KANSL1L: variants seen among roughly 807,000 people sequenced by gnomAD.
The protein encoded by KANSL1L is KAT8 regulatory NSL complex subunit 1 like.
In KANSL1L, 25 loss-of-function variants were observed where a neutral mutation model predicts 108.6. That is an observed-to-expected ratio of 0.23 (90% CI 0.17 to 0.32). The LOEUF (loss-of-function observed/expected upper bound fraction) is 0.32. Ranked by LOEUF, KANSL1L falls within the 10% of genes least tolerant of loss-of-function variation. The pLI is 1.00. For missense variants in KANSL1L, 1,137 were observed against 1,125.7 expected (o/e 1.01, Z -0.14); for synonymous variants, 405 against 395.1 (o/e 1.03, Z -0.30).
At chr2:210,099,043 G>A (rs2094767293) in intron 4 of KANSL1L, among the ~76,000 whole-genome samples, 1 of 151,840 alleles carries the variant, frequency 6.6e-6, no homozygotes, top group Non-Finnish European at 1.5e-5. Flanking sequence ...GGAAAATATA[G>A]AGACATTTTA....
At chr2:210,076,339 G>A (rs140099396) in intron 5 of KANSL1L, among the ~76,000 whole-genome samples, 29 of 152,066 alleles carry the variant, frequency 1.9e-4, no homozygotes, top group South Asian at 1.5e-3. Context: ...CTGCCATCAT[G>A]CCTGCTACCT....
At chr2:210,125,254 CAAAAGAAAAG>C (rs941946748) in intron 3 of KANSL1L, among the ~76,000 whole-genome samples, 1 of 151,514 alleles carries the variant, frequency 6.6e-6, no homozygotes, top group African/African-American at 2.4e-5. Flanking sequence ...AACTCCAACT[CAAAAGAAAAG>C]AAAAGAAAAG....
At chr2:210,146,671 C>T (rs1270655035) in intron 2 of KANSL1L, among the ~76,000 whole-genome samples, 1 of 152,176 alleles carries the variant, frequency 6.6e-6, no homozygotes, top group Non-Finnish European at 1.5e-5. Context: ...GGATGAGTTT[C>T]TCCACCTGAT....
chr2:210,126,472 G>A (rs1358634393), intron 3 of KANSL1L, among the ~76,000 whole-genome samples: 1 of 151,744 alleles, frequency 6.6e-6, no homozygotes, highest in African/African-American at 2.4e-5. Flanking sequence ...TATCCTAAAG[G>A]TCATACAAAA....
chr2:210,042,294 T>C (rs187201962), intron 7 of KANSL1L, among the ~76,000 whole-genome samples: 26 of 152,328 alleles, frequency 1.7e-4, no homozygotes, highest in African/African-American at 6.3e-4. Flanking sequence ...CTAGCATTTA[T>C]TTAGTACTTA....
rs751018617 is a variant in KANSL1L at position 210,022,109 on chromosome 2, A to G, written c.*840T>C. The G allele has an allele frequency of 6.6e-5, 10 of 151,760 alleles. No individual in the cohort carries two copies. The highest frequency in any genetic ancestry group is 1.5e-4 in the Non-Finnish European group (10 of 67,900). 9.4% of individuals were successfully genotyped at this position (151,760 alleles called of 1,614,324 possible). ...AGACACATTAATTGGTAAAACTCAA[A>G]TTGAGTTTTCAAAGATGTGATAGTA... On this transcript the variant is annotated 3_prime_UTR_variant, in exon 15 of 15. Transcript: ENST00000281772.
intron 5 of KANSL1L, among the ~76,000 whole-genome samples, chr2:210,083,122 T>C (rs1023415900): frequency 1.3e-5 from 2 of 152,166 alleles, no homozygotes. Flanking sequence ...GATGTGTGTA[T>C]GTCTTACAAG....
Position 210,153,776 on chromosome 2 carries a change from G to C in KANSL1L, c.807C>G (p.Leu269=). ...QQMKLSMKHQ[L]PKMKTFHEPT... ...GTTCATGAAATGTCTTCATTTTGGGGAGTTGATGTTTCATAGACAATTTCA... is the reference window on the plus strand; with the variant it reads ...GTTCATGAAATGTCTTCATTTTGGGCAGTTGATGTTTCATAGACAATTTCA... Residue 269 remains leucine (L), a synonymous_variant, in exon 2 of 15, where the codon CTC becomes CTG. Coordinates refer to ENST00000281772, the MANE Select transcript of KANSL1L (RefSeq NM_152519.4). The C allele has an allele frequency of 1.2e-6, 2 of 1,612,488 alleles. No individual in the cohort carries two copies. Among genetic ancestry groups the C allele is most frequent in the South Asian group, 2.2e-5 (2 of 90,670 alleles).
intron 2 of KANSL1L, chr2:210,152,685 C>A (rs2095311081): frequency 6.6e-6 from 1 of 152,106 alleles, no homozygotes; most frequent in Non-Finnish European, 1.5e-5. Flanking sequence ...CAAAAACTAA[C>A]TGAATTGTTA....
At chr2:210,171,879 C>T (rs1265436810), upstream of KANSL1L, 1 of 151,996 alleles carries the variant, frequency 6.6e-6, no homozygotes, top group Non-Finnish European at 1.5e-5. Flanking sequence ...AGTCTCCGTG[C>T]GTTTGCTTTT....
chr2:210,154,109 G>A lies in KANSL1L; in HGVS notation c.474C>T (p.Thr158=). 1 of 1,613,814 alleles carries A rather than the reference G, an allele frequency of 6.2e-7. No individual in the cohort carries two copies. The highest frequency in any genetic ancestry group is 1.1e-5 in the South Asian group (1 of 91,026). Residue 158 remains threonine, a synonymous_variant, in exon 2 of 15, where the codon ACC becomes ACT. Transcript: ENST00000281772. The part of the protein sequence containing the change: ...DVQIILDSNI[T]KDTNVDKVQL... ...GTACTTTATCTACATTAGTGTCTTTGGTTATATTTGAATCCAGAATAATTT... is the reference window on the plus strand; with the variant it reads ...GTACTTTATCTACATTAGTGTCTTTAGTTATATTTGAATCCAGAATAATTT...
At position 210,127,102 on chromosome 2, in the gene KANSL1L, C is replaced by T. The variant is rs77535936; in HGVS notation, c.1230+1929G>A. 1.9e-3 allele frequency among the ~76,000 whole-genome samples: 295 copies of T among 152,132 alleles called. 1 individual carries two copies. Among genetic ancestry groups the T allele is most frequent in the African/African-American group, 6.8e-3 (282 of 41,528 alleles). Reference sequence around the variant, plus strand: ...ACCCAATGTGGTACTGGCATAAAGACAGACCTATATTCCAATGGGATAGAA... The same window carrying T: ...ACCCAATGTGGTACTGGCATAAAGATAGACCTATATTCCAATGGGATAGAA... On this transcript the variant is annotated intron_variant, in intron 3 of 14. Transcript: ENST00000281772.
chr2:210,024,514 A>T (rs1238774910), intron 13 of KANSL1L, among the ~76,000 whole-genome samples: 4 of 152,144 alleles, frequency 2.6e-5, no homozygotes. Flanking sequence ...TGACTACCAG[A>T]CTTCACACAA....
chr2:210,138,337 T>G (rs1575599710), intron 2 of KANSL1L, among the ~76,000 whole-genome samples: 1 of 151,468 alleles, frequency 6.6e-6, no homozygotes, highest in East Asian at 1.9e-4. Flanking sequence ...AGGGGGTGGG[T>G]AAGGGTTGAA....
chr2:210,121,859 G>A (rs6739292), intron 3 of KANSL1L, among the ~76,000 whole-genome samples: 149,601 of 152,264 alleles, frequency 0.98, 73,550 homozygotes, highest in Middle Eastern at 1. Flanking sequence ...TACAAAATCA[G>A]CATACAAAAA....
intron 6 of KANSL1L, among the ~76,000 whole-genome samples, chr2:210,071,740 A>G (rs1242556159): frequency 6.6e-6 from 1 of 152,230 alleles, no homozygotes; most frequent in East Asian, 1.9e-4. Flanking sequence ...AGTTCAACCC[A>G]TAACAGTTAC....
intron 12 of KANSL1L, among the ~76,000 whole-genome samples, chr2:210,025,806 C>T (rs1399141722): frequency 6.6e-6 from 1 of 152,154 alleles, no homozygotes; most frequent in East Asian, 1.9e-4. Flanking sequence ...CCTTGAACTT[C>T]TGGGCTCAAG....
Position 210,075,675 on chromosome 2 carries a change from G to C in KANSL1L, c.1632C>G (p.Asp544Glu). 6.2e-7 allele frequency: 1 copy of C among 1,613,736 alleles called. No individual in the cohort carries two copies. Among genetic ancestry groups the C allele is most frequent in the South Asian group, 1.1e-5 (1 of 91,078 alleles). Residue 544 changes from aspartate to glutamate, a missense_variant, in exon 6 of 15, where the codon GAC becomes GAG. Asp to Glu is a conservative substitution (Grantham distance 45). This residue lies in a region of KANSL1L where 575 missense variants were observed against 567.1 expected (regional missense o/e 1.01). Coordinates refer to ENST00000281772, the MANE Select transcript of KANSL1L (RefSeq NM_152519.4). ...AGGATGAAGATTTCAGTCTTGTCCT[G>C]TCTTTTCTCTTTTTCTTACTGTGCT... ...NQKHSKKKRK[D>E]RTRLKSSSLT...
At chr2:210,057,085 A>G (rs1431701318) in intron 6 of KANSL1L, among the ~76,000 whole-genome samples, 2 of 152,102 alleles carry the variant, frequency 1.3e-5, no homozygotes, top group African/African-American at 4.8e-5. Context: ...TGTCCTATAG[A>G]ATGCAGTGGA....
Sources: allele counts gnomAD v4.1 joint callset (sites outside exome capture counted in the v4.1 genomes callset), GRCh38; gene constraint gnomAD v4.1.1; regional missense constraint gnomAD v4.1.1; transcripts MANE v1.5; gene names NCBI Gene and HGNC (gene_info 2026-07-23, HGNC 2026-07-21).